KCNG1: variants seen among roughly 807,000 people sequenced by gnomAD.
KCNG1 encodes potassium voltage-gated channel modifier subfamily G member 1, also known as voltage-gated potassium channel regulatory subunit KCNG1.
A neutral mutation model predicts 32.4 loss-of-function variants in KCNG1; 17 were observed. The observed-to-expected ratio is 0.52, with a 90% confidence interval of 0.36 to 0.79. The LOEUF is 0.79. KCNG1 is among the 30% of genes least tolerant of loss of function. The pLI is 0.00. For missense variants in KCNG1, 441 were observed against 735.2 expected (o/e 0.60, Z 4.63); for synonymous variants, 358 against 339.9 (o/e 1.05, Z -0.59).
At chr20:51,022,157 A>G (rs974387873) in intron 1 of KCNG1, among the ~76,000 whole-genome samples, 11 of 152,158 alleles carry the variant, frequency 7.2e-5, no homozygotes, top group Admixed American at 6.5e-4. Context: ...TGGATGAATG[A>G]CTGTTGAGCG....
intron 2 of KCNG1, among the ~76,000 whole-genome samples, chr20:51,008,618 C>CCA (rs1987932447): frequency 6.6e-6 from 1 of 150,648 alleles, no homozygotes; most frequent in African/African-American, 2.4e-5. Flanking sequence ...TAGGTGTGAG[C>CCA]CACCACACCT....
Position 51,009,574 on chromosome 20 carries a change from C to A in KCNG1, c.765G>T (p.Glu255Asp). ...GGGCGTGGGCTCTTACCTGCTCCTC[C>A]TCCTCCCTCAGGCTGGGCAAGGTGC... ...SVSTLPSLRE[E>D]EEQGHCSQMC... Residue 255 changes from glutamate to aspartate, a missense_variant, in exon 2 of 3, where the codon GAG becomes GAT. Transcript: ENST00000371571. The A allele has an allele frequency of 6.2e-7, 1 of 1,603,392 alleles. No individual in the cohort carries two copies. The highest frequency in any genetic ancestry group is 8.5e-7 in the Non-Finnish European group (1 of 1,176,106).
In KCNG1 at chr20:51,010,360, C is replaced by A. The variant is rs755672673; in HGVS notation, c.-22G>T. On this transcript the variant is annotated 5_prime_UTR_variant, in exon 2 of 3. Coordinates refer to ENST00000371571, the MANE Select transcript of KCNG1 (RefSeq NM_002237.4). ...TCATTTTGGGCCTTCACATCCCTCT[C>A]GGGCCTGTGGGGAGAAGGGAGGGAA... 2.0e-6 allele frequency: 3 copies of A among 1,500,502 alleles called. No individual in the cohort carries two copies. The highest frequency in any genetic ancestry group is 2.3e-5 in the Admixed American group (1 of 43,934). The allele number at this position is 1,500,502 out of a possible 1,614,324, so 92.9% of individuals were successfully genotyped here.
rs1987712219 is a variant in KCNG1 at position 51,003,922 on chromosome 20, A to G, written c.*117T>C. 2 of 1,144,812 alleles carry G rather than the reference A, an allele frequency of 1.7e-6. No individual in the cohort carries two copies. Among genetic ancestry groups the G allele is most frequent in the Non-Finnish European group, 2.5e-6 (2 of 811,924 alleles). The allele number at this position is 1,144,812 out of a possible 1,614,324, so 70.9% of individuals were successfully genotyped here. On this transcript the variant is annotated 3_prime_UTR_variant, in exon 3 of 3. Coordinates refer to ENST00000371571, the MANE Select transcript of KCNG1 (RefSeq NM_002237.4). The stretch of plus-strand genomic sequence containing the variant: ...GGGTGTCCTTCCCCGGGTGCGTGGG[A>G]GTCGGTGCTGCGCCAGGACTGCACT...
At chr20:51,011,795 CTATTAT>C (rs911014415) in intron 1 of KCNG1, among the ~76,000 whole-genome samples, 1 of 152,006 alleles carries the variant, frequency 6.6e-6, no homozygotes, top group African/African-American at 2.4e-5. Context: ...TAACTATTGT[CTATTAT>C]TATTATTATT....
intron 1 of KCNG1, among the ~76,000 whole-genome samples, chr20:51,013,523 C>T (rs1426739306): frequency 6.6e-6 from 1 of 151,976 alleles, no homozygotes; most frequent in East Asian, 1.9e-4. Flanking sequence ...TTAATAGGTG[C>T]TGGAAGGGGA....
At chr20:51,019,644 T>C (rs1224142066) in intron 1 of KCNG1, among the ~76,000 whole-genome samples, 1 of 152,226 alleles carries the variant, frequency 6.6e-6, no homozygotes, top group Non-Finnish European at 1.5e-5. Flanking sequence ...TCCTGTACTC[T>C]GCAGGCTTTG....
chr20:51,004,861 G>T lies in KCNG1; in HGVS notation c.775-55C>A. ...GGTCAGCGGGCCCTCCAGGAAAGGA[G>T]GGCAGAAGCTCTGCCCTGTGCCCTG... On this transcript the variant is annotated intron_variant, in intron 2 of 2. Transcript: ENST00000371571. This position sits in a 1 kb window ranked among gnomAD's most constrained non-coding sequence, Gnocchi z 4.3. 4.8e-6 allele frequency: 7 copies of T among 1,466,628 alleles called. No homozygotes were observed. The highest frequency in any genetic ancestry group is 6.4e-6 in the Non-Finnish European group (7 of 1,101,804). 90.9% of individuals were successfully genotyped at this position (1,466,628 alleles called of 1,614,324 possible). A position where few individuals can be genotyped will look rare whatever the true frequency, so the allele number is the denominator to read the frequency against.
At chr20:51,010,728 C>T (rs1988052866) in intron 1 of KCNG1, among the ~76,000 whole-genome samples, 1 of 152,086 alleles carries the variant, frequency 6.6e-6, no homozygotes, top group African/African-American at 2.4e-5. Flanking sequence ...AACCCTGTCT[C>T]TACTAAAAGT....
intron 2 of KCNG1, among the ~76,000 whole-genome samples, chr20:51,008,261 G>C (rs1259669679): frequency 6.6e-6 from 1 of 152,182 alleles, no homozygotes; most frequent in Non-Finnish European, 1.5e-5. Flanking sequence ...GTGCCATGTA[G>C]GACCGCAGGC....
At chr20:51,012,180 A>G (rs1208159623) in intron 1 of KCNG1, among the ~76,000 whole-genome samples, 1 of 152,252 alleles carries the variant, frequency 6.6e-6, no homozygotes, top group African/African-American at 2.4e-5. Flanking sequence ...AGCAATGGAC[A>G]AAGAAATGCA....
chr20:51,019,831 G>C (rs1211379930), intron 1 of KCNG1, among the ~76,000 whole-genome samples: 1 of 152,156 alleles, frequency 6.6e-6, no homozygotes, highest in African/African-American at 2.4e-5. Flanking sequence ...ACTCAGAGGC[G>C]GGTCAGGCTG....
At chr20:51,016,514 C>T (rs758960786) in intron 1 of KCNG1, among the ~76,000 whole-genome samples, 15 of 152,144 alleles carry the variant, frequency 9.9e-5, no homozygotes, top group Non-Finnish European at 1.6e-4. Context: ...ATGTGCCAAC[C>T]ACCCTAAGCT....
intron 1 of KCNG1, among the ~76,000 whole-genome samples, chr20:51,020,801 C>A (rs77328871): frequency 2.0e-5 from 3 of 152,152 alleles, no homozygotes; most frequent in Non-Finnish European, 2.9e-5. Context: ...TGGTTTGCGT[C>A]GCTTAGCCCT....
chr20:51,018,012 A>G (rs910212559), intron 1 of KCNG1, among the ~76,000 whole-genome samples: 4 of 152,324 alleles, frequency 2.6e-5, no homozygotes, highest in Non-Finnish European at 2.9e-5. Context: ...CTTATAAGCT[A>G]TGGCTGAGGG....
In KCNG1 at chr20:51,003,929, G is replaced by A; in HGVS notation, c.*110C>T. On this transcript the variant is annotated 3_prime_UTR_variant, in exon 3 of 3. Transcript: ENST00000371571. The stretch of plus-strand genomic sequence containing the variant: ...CTTCCCCGGGTGCGTGGGAGTCGGT[G>A]CTGCGCCAGGACTGCACTCGGAAGC... 1 of 1,259,390 alleles carries A rather than the reference G, an allele frequency of 7.9e-7. No individual in the cohort carries two copies. Among genetic ancestry groups the A allele is most frequent in the East Asian group, 2.4e-5 (1 of 41,314 alleles). The allele number at this position is 1,259,390 out of a possible 1,614,324, so 78.0% of individuals were successfully genotyped here.
rs774257590 is a variant in KCNG1 at position 51,004,600 on chromosome 20, C to A, written c.981G>T (p.Lys327Asn). The A allele has an allele frequency of 6.3e-7, 1 of 1,581,850 alleles. No individual in the cohort carries two copies. Residue 327 changes from lysine (K) to asparagine (N), a missense_variant, in exon 3 of 3, where the codon AAG becomes AAT. By Grantham distance (94) the Lys-to-Asn change is moderately conservative. Transcript: ENST00000371571. The surrounding 1 kb of genome is among the most constrained non-coding windows in gnomAD (Gnocchi z 4.3). ...LVDGAAAGRR[K>N]PGAGNSYLDK... The stretch of plus-strand genomic sequence containing the variant: ...CCAGGTAGCTGTTGCCCGCGCCGGG[C>A]TTGCGACGGCCTGCGGCGGCGCCGT...
chr20:51,009,375 C>A (rs550832218), intron 2 of KCNG1, 190 bp downstream of exon 2: 1 of 708,736 alleles, frequency 1.4e-6, no homozygotes, highest in African/African-American at 1.8e-5. Flanking sequence ...CAGGCACAGG[C>A]GTGGACCCCC....
chr20:51,014,600 A>G (rs1453139604), intron 1 of KCNG1, among the ~76,000 whole-genome samples: 5 of 152,162 alleles, frequency 3.3e-5, no homozygotes, highest in African/African-American at 1.2e-4. Flanking sequence ...AACGCTCACC[A>G]CGTGTCAGAC....
Sources: allele counts gnomAD v4.1 joint callset (sites outside exome capture counted in the v4.1 genomes callset), GRCh38; gene constraint gnomAD v4.1.1; non-coding constraint Gnocchi (gnomAD v3.1); transcripts MANE v1.5; gene names NCBI Gene and HGNC (gene_info 2026-07-23, HGNC 2026-07-21).